The following DCC variants were observed in gnomAD, a reference collection of about 807,000 sequenced individuals.
DCC encodes the protein netrin receptor DCC.
DCC carries 58 observed loss-of-function variants against 172.5 expected under a neutral mutation model. The observed-to-expected ratio is 0.34, with a 90% confidence interval of 0.27 to 0.42. The LOEUF (loss-of-function observed/expected upper bound fraction) is 0.42, where lower values mean the gene tolerates loss of function less well. DCC is among the 10% of genes least tolerant of loss of function. The pLI is 1.00. For missense variants in DCC, 1,740 were observed against 1,791.0 expected, an observed-to-expected ratio of 0.97 and a Z score of 0.51; for synonymous variants, 709 against 644.5, an observed-to-expected ratio of 1.10 and a Z score of -1.52.
chr18:52,413,019 T>C (rs2144407636), intron 1 of DCC, among the ~76,000 whole-genome samples: 1 of 152,164 alleles, frequency 6.6e-6, no homozygotes, highest in East Asian at 1.9e-4. Context: ...ACTCTATAGG[T>C]TGACTTTAGA....
At chr18:52,827,480 C>T (rs1790053866) in intron 2 of DCC, among the ~76,000 whole-genome samples, 1 of 152,216 alleles carries the variant, frequency 6.6e-6, no homozygotes, top group Non-Finnish European at 1.5e-5. Flanking sequence ...ACCTTGATAA[C>T]CACACGTATG....
chr18:53,242,302 G>T (rs1289899765), intron 12 of DCC, among the ~76,000 whole-genome samples: 6 of 152,150 alleles, frequency 3.9e-5, no homozygotes, highest in African/African-American at 1.4e-4. Context: ...TATGCTTAAT[G>T]ATATAAGTTT....
Position 53,486,647 on chromosome 18 carries a change from G to T in DCC, c.3737-150G>T, listed in dbSNP as rs528497966. 3.4e-5 allele frequency: 32 copies of T among 941,742 alleles called. No homozygotes were observed. In the African/African-American group the frequency reaches 4.8e-4, roughly 14 times the overall value. 58.3% of individuals were successfully genotyped at this position (941,742 alleles called of 1,614,324 possible). A position where few individuals can be genotyped will look rare whatever the true frequency, so the allele number is the denominator to read the frequency against. ...CTGTCTTTTCTAAAGTAAAAAGTGG[G>T]ATTGGTGGAGAGAGGTAAGTAAGGG... On this transcript the variant is annotated intron_variant, in intron 25 of 28. Transcript: ENST00000442544.
intron 2 of DCC, among the ~76,000 whole-genome samples, chr18:52,813,294 T>A (rs184803376): frequency 2.1e-3 from 275 of 128,298 alleles, no homozygotes; most frequent in African/African-American, 7.9e-3. Context: ...TTGCTAGAAT[T>A]TGCAGATGTT....
At chr18:53,096,477 A>G in intron 7 of DCC, among the ~76,000 whole-genome samples, 1 of 152,156 alleles carries the variant, frequency 6.6e-6, no homozygotes, top group East Asian at 1.9e-4. Flanking sequence ...AGGGGATGAA[A>G]AGTAGAGTTT....
At chr18:53,007,624 C>A (rs1423713081) in intron 5 of DCC, among the ~76,000 whole-genome samples, 2 of 151,926 alleles carry the variant, frequency 1.3e-5, no homozygotes, top group African/African-American at 4.8e-5. Flanking sequence ...TGTATATATA[C>A]ACACACATAC....
intron 2 of DCC, among the ~76,000 whole-genome samples, chr18:52,803,827 T>TAATG (rs2038037895): frequency 6.6e-6 from 1 of 152,208 alleles, no homozygotes; most frequent in Non-Finnish European, 1.5e-5. Flanking sequence ...AAAGAATAGG[T>TAATG]AATGACCTAA....
rs1479142863 is a variant in DCC, at chr18:52,867,351, G to A, written c.413-38693G>A. ...TGGCTTGAAATTTTCCTTTTTTGTT[G>A]TGTCTCTGTCAGGTTTTGGTATCAG... is the stretch of plus-strand genomic sequence containing the variant. On this transcript the variant is annotated intron_variant, in intron 2 of 28. Coordinates refer to ENST00000442544, the MANE Select transcript of DCC (RefSeq NM_005215.4). Among the ~76,000 whole-genome samples, 3 of 152,034 alleles carry A rather than the reference G, an allele frequency of 2.0e-5. No homozygotes were observed. The East Asian group carries it at 5.8e-4, about 29-fold the overall frequency.
At chr18:53,028,129 A>C (rs563946828) in intron 5 of DCC, among the ~76,000 whole-genome samples, 12 of 152,098 alleles carry the variant, frequency 7.9e-5, no homozygotes, top group Admixed American at 3.3e-4. Context: ...ATTGCAGAAA[A>C]CACACTCTCA....
rs1420293884 is a variant in DCC at position 52,752,221 on chromosome 18, G to A, written c.259G>A (p.Glu87Lys). ...DGIHLALGMD[E>K]RKQQLSNGSL... Reference sequence around the variant, plus strand: ...CATTCATCTGGCCTTGGGAATGGATGAAAGGAAGCAGCAACTTTCAAATGG... The same window carrying A: ...CATTCATCTGGCCTTGGGAATGGATAAAAGGAAGCAGCAACTTTCAAATGG... Residue 87 changes from glutamate (E) to lysine (K), a missense_variant, in exon 2 of 29, where the codon GAA becomes AAA. Around this residue, in one of 2 missense-constraint regions of DCC, gnomAD observed 1,732 missense variants for 1,767.4 expected, o/e 0.98. Transcript: ENST00000442544. 4 of 1,614,056 alleles carry A rather than the reference G, an allele frequency of 2.5e-6. No individual in the cohort carries two copies. The highest frequency in any genetic ancestry group is 3.4e-6 in the Non-Finnish European group (4 of 1,180,046).
At chr18:52,932,296 T>A (rs2040317801) in intron 5 of DCC, among the ~76,000 whole-genome samples, 1 of 152,120 alleles carries the variant, frequency 6.6e-6, no homozygotes, top group African/African-American at 2.4e-5. Context: ...TCCCCAACTT[T>A]TACCCAGCTC....
intron 1 of DCC, among the ~76,000 whole-genome samples, chr18:52,635,369 A>G (rs1226995785): frequency 6.6e-6 from 1 of 152,222 alleles, no homozygotes; most frequent in Non-Finnish European, 1.5e-5. Flanking sequence ...AAGTGACTGA[A>G]ATAAATGCTC....
At chr18:52,910,194 C>T (rs188376302) in intron 3 of DCC, among the ~76,000 whole-genome samples, 1 of 152,218 alleles carries the variant, frequency 6.6e-6, no homozygotes, top group East Asian at 1.9e-4. Context: ...GGAAACATAT[C>T]ACATGTGGCT....
rs1298750629 is a variant in DCC, at chr18:53,001,074, G to A, written c.986-62231G>A. Among the ~76,000 whole-genome samples the A allele has an allele frequency of 5.3e-5, 8 of 152,036 alleles. 1 individual carries two copies. The highest frequency in any genetic ancestry group is 5.2e-4 in the Admixed American group (8 of 15,242). ...AATTGTGGGAAATCAGATCACAAAGGCAATTTGCAAAACGACTCCCGCCAA... is the reference window on the plus strand; with the variant it reads ...AATTGTGGGAAATCAGATCACAAAGACAATTTGCAAAACGACTCCCGCCAA... On this transcript the variant is annotated intron_variant, in intron 5 of 28. Transcript: ENST00000442544.
chr18:53,269,982 G>A (rs2056730034), intron 12 of DCC, among the ~76,000 whole-genome samples: 1 of 152,064 alleles, frequency 6.6e-6, no homozygotes, highest in African/African-American at 2.4e-5. Context: ...ATACTTTAAG[G>A]CAGGGTTTAG....
chr18:53,343,342 T>A (rs1312899418), intron 15 of DCC, among the ~76,000 whole-genome samples: 1 of 152,018 alleles, frequency 6.6e-6, no homozygotes, highest in African/African-American at 2.4e-5. Flanking sequence ...TGCTATACTC[T>A]TTCTAGTTTT....
At chr18:52,958,897 G>A (rs777126893) in intron 5 of DCC, among the ~76,000 whole-genome samples, 3 of 152,082 alleles carry the variant, frequency 2.0e-5, no homozygotes, top group South Asian at 2.1e-4. Flanking sequence ...CCCACAGCCC[G>A]CGGGCCATAT....
intron 21 of DCC, among the ~76,000 whole-genome samples, chr18:53,425,484 C>A (rs1334161154): frequency 6.6e-6 from 1 of 151,544 alleles, no homozygotes; most frequent in South Asian, 2.1e-4. Flanking sequence ...CCCAGCCTCC[C>A]GAGTAGATGG....
chr18:52,823,474 C>G (rs2038447627), intron 2 of DCC, among the ~76,000 whole-genome samples: 1 of 152,126 alleles, frequency 6.6e-6, no homozygotes, highest in South Asian at 2.1e-4. Context: ...ATTTCTTCTA[C>G]TTTCTGAGCA....
Sources: gnomAD v4.1 joint callset for allele counts (sites outside exome capture counted in the v4.1 genomes callset) on GRCh38, gnomAD v4.1.1 for gene constraint, gnomAD v4.1.1 regional missense constraint, MANE v1.5 for transcripts, NCBI Gene and HGNC (gene_info 2026-07-23, HGNC 2026-07-21) for gene names.